The following SPRED2 variants were observed in gnomAD, a reference collection of about 807,000 sequenced individuals.
SPRED2 encodes the protein sprouty related EVH1 domain containing 2.
Under a neutral mutation model 43.0 loss-of-function variants are expected in SPRED2, and 47 were observed. The observed-to-expected ratio is 1.09, with a 90% confidence interval of 0.87 to 1.40. The LOEUF (loss-of-function observed/expected upper bound fraction) is 1.40. Among genes scored for constraint, SPRED2 ranks in the 40% most tolerant of loss-of-function variants. SPRED2 has a pLI of 0.00. For missense variants in SPRED2, 561 were observed against 586.4 expected (o/e 0.96, Z 0.45); for synonymous variants, 225 against 225.7 (o/e 1.00, Z 0.03).
At chr2:65,323,445 T>C (rs1247000815) in intron 4 of SPRED2, among the ~76,000 whole-genome samples, 32 of 146,402 alleles carry the variant, frequency 2.2e-4, no homozygotes. Context: ...AAGGAGAGAG[T>C]AAGAAAAGAG....
In SPRED2 at chr2:65,431,978, C is replaced by T. The variant is rs750237615; in HGVS notation, c.10G>A (p.Glu4Lys). MTE[E>K]THPDDDSYIV... The stretch of plus-strand genomic sequence containing the variant: ...CAAACTTACTCGTCTGGGTGTGTTT[C>T]TTCGGTCATTTTCTTGTTCACCTAG... Residue 4 changes from glutamate (E) to lysine (K), a missense_variant, in exon 1 of 6, where the codon GAA becomes AAA. By Grantham distance (56) the Glu-to-Lys change is moderately conservative. Coordinates refer to ENST00000356388, the MANE Select transcript of SPRED2 (RefSeq NM_181784.3). 31 of 1,613,730 alleles carry T rather than the reference C, an allele frequency of 1.9e-5. No homozygotes were observed. The highest frequency in any genetic ancestry group is 1.6e-4 in the Middle Eastern group (1 of 6,084).
Position 65,331,989 on chromosome 2 carries a change from TA to T in SPRED2, c.435del (p.Phe145LeufsTer61). ...NEAELGDDDV[F>X]TTATDSSSNS... ...AGCAAAGGACAAAGGAAACTTACTG[TA>T]AAAACGTCATCATCGCCAAGCTCAG... On this transcript the variant is annotated frameshift_variant, in exon 4 of 6. Transcript: ENST00000356388. LOFTEE classifies it high-confidence loss of function. The T allele has an allele frequency of 6.2e-7, 1 of 1,607,184 alleles. No individual in the cohort carries two copies. The highest frequency in any genetic ancestry group is 1.7e-5 in the Admixed American group (1 of 59,384).
At position 65,311,402 on chromosome 2, in the gene SPRED2, A is replaced by C; in HGVS notation, c.*2099T>G. 1 of 985,924 alleles carries C rather than the reference A, an allele frequency of 1.0e-6. No homozygotes were observed. The highest frequency in any genetic ancestry group is 1.2e-6 in the Non-Finnish European group (1 of 829,948). The allele number at this position is 985,924 out of a possible 1,614,324, so 61.1% of individuals were successfully genotyped here. On this transcript the variant is annotated 3_prime_UTR_variant, in exon 6 of 6. Coordinates refer to ENST00000356388, the MANE Select transcript of SPRED2 (RefSeq NM_181784.3). ...GGACAAGGGGTGAAAGAAGAGAGAA[A>C]CAGGTAACAACTAAATAGAGGTGAC...
chr2:65,368,095 G>A (rs1675030415), intron 1 of SPRED2, among the ~76,000 whole-genome samples: 1 of 152,150 alleles, frequency 6.6e-6, no homozygotes. Context: ...CAAAATAGAG[G>A]GGTCACTAAA....
At chr2:65,402,375 G>C (rs1675925881) in intron 1 of SPRED2, among the ~76,000 whole-genome samples, 2 of 151,846 alleles carry the variant, frequency 1.3e-5, no homozygotes, top group Non-Finnish European at 2.9e-5. Flanking sequence ...GTCAAGTCAG[G>C]AAAGGCCGGG....
At chr2:65,421,136 G>A (rs1283482549) in intron 1 of SPRED2, among the ~76,000 whole-genome samples, 1 of 151,900 alleles carries the variant, frequency 6.6e-6, no homozygotes, top group Non-Finnish European at 1.5e-5. Flanking sequence ...AGCATTCACC[G>A]AGAACTTTCT....
At chr2:65,321,201 G>A (rs759877390) in intron 4 of SPRED2, among the ~76,000 whole-genome samples, 1 of 152,180 alleles carries the variant, frequency 6.6e-6, no homozygotes, top group Non-Finnish European at 1.5e-5. Context: ...CAGAGTGGGC[G>A]TTTAATGTCT....
chr2:65,347,049 T>TCTG, intron 1 of SPRED2, among the ~76,000 whole-genome samples: 1 of 152,282 alleles, frequency 6.6e-6, no homozygotes, highest in East Asian at 1.9e-4. Flanking sequence ...ATTACCAATA[T>TCTG]CTGCACCACC....
intron 1 of SPRED2, among the ~76,000 whole-genome samples, chr2:65,386,155 G>A (rs1190575045): frequency 1.3e-5 from 2 of 151,952 alleles, no homozygotes; most frequent in Non-Finnish European, 2.9e-5. Flanking sequence ...CGTGGTAGCG[G>A]GTGCCTATAA....
intron 1 of SPRED2, among the ~76,000 whole-genome samples, chr2:65,429,131 A>G (rs1227378246): frequency 6.6e-6 from 1 of 152,214 alleles, no homozygotes; most frequent in Non-Finnish European, 1.5e-5. Context: ...GGAAAACAAC[A>G]TTAGAAAACA....
chr2:65,397,672 C>T (rs1160247595), intron 1 of SPRED2, among the ~76,000 whole-genome samples: 1 of 151,504 alleles, frequency 6.6e-6, no homozygotes, highest in African/African-American at 2.4e-5. Context: ...ATCCACAGAC[C>T]CAGGCCTTTC....
intron 1 of SPRED2, among the ~76,000 whole-genome samples, chr2:65,397,423 T>A (rs1405821932): frequency 6.6e-6 from 1 of 152,134 alleles, no homozygotes; most frequent in Non-Finnish European, 1.5e-5. Flanking sequence ...TCTCTCTTTT[T>A]CCTTTTTACC....
chr2:65,331,845 T>C, intron 4 of SPRED2, 142 bp downstream of exon 4: 1 of 595,626 alleles, frequency 1.7e-6, no homozygotes, highest in African/African-American at 1.9e-5. Context: ...AGAAAAATTG[T>C]AGTAAGACAG....
At position 65,369,934 on chromosome 2, in the gene SPRED2, G is replaced by A. The variant is rs531763627; in HGVS notation, c.27-25038C>T. Among the ~76,000 whole-genome samples the A allele has an allele frequency of 5.3e-5, 8 of 152,310 alleles. No individual in the cohort carries two copies. In the South Asian group the frequency reaches 1.7e-3, roughly 32 times the overall value. The stretch of plus-strand genomic sequence containing the variant: ...CAGGACTTCATGTATTCATTTCCTA[G>A]CACTGATCCTCGGCAGGTAAGAAGC... On this transcript the variant is annotated intron_variant, in intron 1 of 5. Coordinates refer to ENST00000356388, the MANE Select transcript of SPRED2 (RefSeq NM_181784.3).
At chr2:65,338,371 C>T (rs997702239) in intron 2 of SPRED2, among the ~76,000 whole-genome samples, 1 of 149,670 alleles carries the variant, frequency 6.7e-6, no homozygotes, top group South Asian at 2.1e-4. Flanking sequence ...TGTACTGCTG[C>T]CATCTCGGCT....
chr2:65,415,934 G>A (rs1422733005), intron 1 of SPRED2, among the ~76,000 whole-genome samples: 1 of 152,176 alleles, frequency 6.6e-6, no homozygotes, highest in African/African-American at 2.4e-5. Context: ...TAATACGAAT[G>A]TGTGTCACCT....
intron 1 of SPRED2, among the ~76,000 whole-genome samples, chr2:65,426,237 G>T (rs1249662247): frequency 6.6e-6 from 1 of 152,144 alleles, no homozygotes; most frequent in East Asian, 1.9e-4. Context: ...GTTCTGCATG[G>T]AATTTCCACA....
chr2:65,391,541 AT>A (rs1346840677), intron 1 of SPRED2, among the ~76,000 whole-genome samples: 71 of 152,244 alleles, frequency 4.7e-4, no homozygotes, highest in Non-Finnish European at 3.4e-4. Context: ...TAAAAGTACT[AT>A]TTTCCAAGGC....
At chr2:65,376,263 A>G (rs1675234498) in intron 1 of SPRED2, among the ~76,000 whole-genome samples, 1 of 152,206 alleles carries the variant, frequency 6.6e-6, no homozygotes, top group South Asian at 2.1e-4. Context: ...TGTATTTATT[A>G]TCTGTTGCTG....
Sources: gnomAD v4.1 joint callset for allele counts (sites outside exome capture counted in the v4.1 genomes callset) on GRCh38, gnomAD v4.1.1 for gene constraint, MANE v1.5 for transcripts, NCBI Gene and HGNC (gene_info 2026-07-23, HGNC 2026-07-21) for gene names.